Variants in ZNF385D observed in about 807,000 individuals in gnomAD.
ZNF385D encodes the protein zinc finger protein 385D.
A neutral mutation model predicts 35.8 loss-of-function variants in ZNF385D; 15 were observed. The ratio of observed to expected loss-of-function variants is 0.42; its 90% confidence interval spans 0.28 to 0.64. The LOEUF is 0.64. ZNF385D is among the 30% of genes least tolerant of loss of function. The pLI, the probability that ZNF385D is intolerant of heterozygous loss-of-function variation, is 0.23. For synonymous variants in ZNF385D, 212 were observed against 186.8 expected (o/e 1.13, Z -1.10); for missense variants, 474 against 494.6 (o/e 0.96, Z 0.39).
chr3:21,875,466 A>G lies in ZNF385D; in HGVS notation c.326-210438T>C, dbSNP rs1474772490. On this transcript the variant is annotated intron_variant, in intron 3 of 5. Coordinates refer to the ZNF385D transcript ENST00000494108. ...TTAATCTACATTGCTGCTTCAGTTTATACCTTCTGAAGTCACTAAATGTAG... is the reference window on the plus strand; with the variant it reads ...TTAATCTACATTGCTGCTTCAGTTTGTACCTTCTGAAGTCACTAAATGTAG... 3.3e-5 allele frequency among the ~76,000 whole-genome samples: 5 copies of G among 152,054 alleles called. No individual in the cohort carries two copies. In the East Asian group the frequency reaches 9.7e-4, roughly 29 times the overall value.
chr3:21,577,062 A>G (rs2063516926), intron 2 of ZNF385D, among the ~76,000 whole-genome samples: 1 of 152,158 alleles, frequency 6.6e-6, no homozygotes, highest in African/African-American at 2.4e-5. Context: ...TAAGAACTTA[A>G]TCTATATCTT....
intron 2 of ZNF385D, among the ~76,000 whole-genome samples, chr3:21,602,483 A>G (rs1484528354): frequency 6.8e-6 from 1 of 146,744 alleles, no homozygotes; most frequent in South Asian, 2.2e-4. Context: ...CAAAACCAAG[A>G]GTAGAATTTA....
At chr3:21,714,167 C>G (rs973910848) in intron 1 of ZNF385D, among the ~76,000 whole-genome samples, 2 of 151,728 alleles carry the variant, frequency 1.3e-5, no homozygotes, top group African/African-American at 4.9e-5. Flanking sequence ...CCCATAATAA[C>G]TGCTCTCAAT....
At chr3:22,141,319 T>C (rs7618444) in intron 3 of ZNF385D, among the ~76,000 whole-genome samples, 3,012 of 152,272 alleles carry the variant, frequency 0.02, 112 homozygotes, top group African/African-American at 0.068. Flanking sequence ...GAACATATTC[T>C]CTTTCTCCTG....
chr3:21,898,268 A>G (rs1292387825), intron 3 of ZNF385D, among the ~76,000 whole-genome samples: 1 of 152,172 alleles, frequency 6.6e-6, no homozygotes, highest in East Asian at 1.9e-4. Context: ...ACCTGGGCAC[A>G]TATTCGCTAA....
At chr3:22,258,746 A>C (rs2125340184) in intron 2 of ZNF385D, among the ~76,000 whole-genome samples, 1 of 151,920 alleles carries the variant, frequency 6.6e-6, no homozygotes, top group East Asian at 1.9e-4. Context: ...ATATTTATTT[A>C]AAAATATAAT....
At chr3:22,336,909 C>CAAAAA (rs59822476) in intron 2 of ZNF385D, among the ~76,000 whole-genome samples, 640 of 47,924 alleles carry the variant, frequency 0.013, 165 homozygotes, top group South Asian at 0.022. Context: ...AGTGATTTTT[C>CAAAAA]AAAAAAAAAA....
At chr3:22,169,222 G>A (rs1171628558) in intron 2 of ZNF385D, among the ~76,000 whole-genome samples, 1 of 152,024 alleles carries the variant, frequency 6.6e-6, no homozygotes, top group Non-Finnish European at 1.5e-5. Context: ...AATATAAATG[G>A]CAAATGTTTA....
intron 3 of ZNF385D, among the ~76,000 whole-genome samples, chr3:21,920,372 T>C (rs1465471692): frequency 6.6e-6 from 1 of 152,214 alleles, no homozygotes. Flanking sequence ...TCCAGGGATT[T>C]GGGGTCATTG....
chr3:21,816,892 A>T (rs1241985506), intron 3 of ZNF385D, among the ~76,000 whole-genome samples: 3 of 152,208 alleles, frequency 2.0e-5, no homozygotes, highest in Non-Finnish European at 4.4e-5. Flanking sequence ...CCTAAGCCAA[A>T]AGAACAAAGC....
chr3:21,856,810 A>G (rs1036062776), intron 3 of ZNF385D, among the ~76,000 whole-genome samples: 1 of 152,126 alleles, frequency 6.6e-6, no homozygotes, highest in South Asian at 2.1e-4. Context: ...GACCTATTCA[A>G]CAAATAAATG....
intron 3 of ZNF385D, among the ~76,000 whole-genome samples, chr3:22,089,396 A>G (rs913281107): frequency 8.5e-5 from 13 of 152,304 alleles, no homozygotes; most frequent in African/African-American, 2.9e-4. Context: ...TTGTCAGTAG[A>G]GGGCACTAAA....
At chr3:22,358,380 A>G (rs1331019665) in intron 2 of ZNF385D, among the ~76,000 whole-genome samples, 1 of 151,918 alleles carries the variant, frequency 6.6e-6, no homozygotes, top group Non-Finnish European at 1.5e-5. Context: ...TATTCAAGGA[A>G]GACAGCTTCA....
chr3:21,825,174 GAAA>G (rs1023193617), intron 3 of ZNF385D, among the ~76,000 whole-genome samples: 8 of 152,004 alleles, frequency 5.3e-5, no homozygotes, highest in Non-Finnish European at 7.4e-5. Flanking sequence ...ACGCAAACCA[GAAA>G]AAAATTCTGA....
chr3:21,856,406 T>A (rs1171096478), intron 3 of ZNF385D, among the ~76,000 whole-genome samples: 2 of 152,030 alleles, frequency 1.3e-5, no homozygotes, highest in Non-Finnish European at 2.9e-5. Flanking sequence ...GAACCCCTTC[T>A]CTCAACTTCA....
intron 3 of ZNF385D, among the ~76,000 whole-genome samples, chr3:22,135,914 T>A (rs144955752): frequency 5.3e-5 from 8 of 152,060 alleles, no homozygotes; most frequent in Admixed American, 2.6e-4. Flanking sequence ...ACTAAGACAA[T>A]TGCACATCCA....
At chr3:22,179,018 T>C (rs1486058565) in intron 2 of ZNF385D, among the ~76,000 whole-genome samples, 1 of 152,168 alleles carries the variant, frequency 6.6e-6, no homozygotes, top group Non-Finnish European at 1.5e-5. Flanking sequence ...TCAGGCAGCG[T>C]GATGCCTCCA....
Position 21,554,531 on chromosome 3 carries a change from C to CACTA in ZNF385D, c.276+10039_276+10042dup, listed in dbSNP as rs1212630169. Among the ~76,000 whole-genome samples the CACTA allele has an allele frequency of 2.0e-5, 3 of 152,142 alleles. No individual in the cohort carries two copies. The East Asian group carries it at 5.8e-4, about 29-fold the overall frequency. On this transcript the variant is annotated intron_variant, in intron 3 of 7. Transcript: ENST00000281523. The stretch of plus-strand genomic sequence containing the variant: ...CAGTGAGCACTAGCTTGAATTTAGA[C>CACTA]ACTAACTTCATTAGCTCCTACCAAG...
chr3:21,421,930 T>C (rs1369593831), intron 7 of ZNF385D, among the ~76,000 whole-genome samples: 1 of 152,160 alleles, frequency 6.6e-6, no homozygotes, highest in African/African-American at 2.4e-5. Flanking sequence ...ATAAAAACAA[T>C]AAAATTCCAC....
Sources: gnomAD v4.1 joint callset for allele counts (sites outside exome capture counted in the v4.1 genomes callset) on GRCh38, gnomAD v4.1.1 for gene constraint, MANE v1.5 for transcripts, NCBI Gene and HGNC (gene_info 2026-07-23, HGNC 2026-07-21) for gene names.